Variants in TULP2 observed in about 807,000 individuals in gnomAD.
The protein encoded by TULP2 is tubby-related protein 2.
TULP2 carries 64 observed loss-of-function variants against 60.3 expected under a neutral mutation model. That is an observed-to-expected ratio of 1.06 (90% CI 0.87 to 1.31). TULP2 has a LOEUF of 1.31. Ranked by LOEUF, TULP2 falls within the 50% of genes most tolerant of loss-of-function variation. The probability of loss-of-function intolerance (pLI) is 0.00; values close to 1 mark genes in which losing one functional copy is unlikely to be tolerated. For missense variants in TULP2, 652 were observed against 667.0 expected, an observed-to-expected ratio of 0.98 and a Z score of 0.25; for synonymous variants, 267 against 265.4, an observed-to-expected ratio of 1.01 and a Z score of -0.06.
At position 48,895,169 on chromosome 19, in the gene TULP2, A is replaced by G. The variant is rs2037267310; in HGVS notation, c.350-7T>C. 1 of 1,612,228 alleles carries G rather than the reference A, an allele frequency of 6.2e-7. No homozygotes were observed. Among genetic ancestry groups the G allele is most frequent in the South Asian group, 1.1e-5 (1 of 90,916 alleles). Reference sequence around the variant, plus strand: ...AGACCGAGATTCCTGAACACTGAGGAAGGAAGGAGGGGAGAGTTGGATTTC... The same window carrying G: ...AGACCGAGATTCCTGAACACTGAGGGAGGAAGGAGGGGAGAGTTGGATTTC... On this transcript the variant is annotated splice_polypyrimidine_tract_variant and splice_region_variant and intron_variant, in intron 5 of 12. Coordinates refer to ENST00000221399, the MANE Select transcript of TULP2 (RefSeq NM_003323.3).
chr19:48,895,604 G>C, intron 4 of TULP2, 101 bp from the exon 5 acceptor site: 1 of 1,467,204 alleles, frequency 6.8e-7, no homozygotes, highest in East Asian at 2.3e-5. Flanking sequence ...CCCCCGCCAG[G>C]CGCCGTGGCT....
intron 12 of TULP2, among the ~76,000 whole-genome samples, chr19:48,881,376 ATTTTTTTT>A (rs72139613): frequency 1.1e-5 from 1 of 90,458 alleles, no homozygotes; most frequent in South Asian, 3.5e-4. Context: ...CGTCCGGCTA[ATTTTTTTT>A]TTTTTTTTTT....
At chr19:48,894,501 C>A (rs1273721601) in intron 6 of TULP2, among the ~76,000 whole-genome samples, 1 of 151,812 alleles carries the variant, frequency 6.6e-6, no homozygotes, top group African/African-American at 2.4e-5. Context: ...ATTAGCTGGG[C>A]GTGGTGATGC....
chr19:48,895,669 C>T (rs759014593), intron 4 of TULP2, among the ~76,000 whole-genome samples, 166 bp from the exon 5 acceptor site: 1 of 152,144 alleles, frequency 6.6e-6, no homozygotes, highest in Non-Finnish European at 1.5e-5. Flanking sequence ...CACCTGAGGT[C>T]GGGAGTTCGA....
chr19:48,885,534 T>A lies in TULP2; in HGVS notation c.975A>T (p.Arg325Ser), dbSNP rs148677904. Residue 325 changes from arginine to serine, a missense_variant, in exon 9 of 13, where the codon AGA becomes AGT. Physicochemically the swap from Arg to Ser is moderately radical, Grantham distance 110. Coordinates refer to ENST00000221399, the MANE Select transcript of TULP2 (RefSeq NM_003323.3). ...LQRFLLAGRK[R>S]RRSKTSNYLI... ...GGTAATTAGAAGTTTTGCTCCTTCT[T>A]CTCTTTCGCCCAGCCAGGAGGAAGC... 1.4e-5 allele frequency: 22 copies of A among 1,613,836 alleles called. No individual in the cohort carries two copies. In the African/African-American group the frequency reaches 2.4e-4, roughly 18 times the overall value.
chr19:48,895,593 A>C (rs1600027710), intron 4 of TULP2, 90 bp from the exon 5 acceptor site: 9 of 1,484,968 alleles, frequency 6.1e-6, no homozygotes, highest in Admixed American at 3.9e-5. Context: ...CCCAAATATC[A>C]CCCCCGCCAG....
intron 8 of TULP2, among the ~76,000 whole-genome samples, chr19:48,885,866 T>C (rs1165476142): frequency 1.3e-5 from 2 of 150,890 alleles, no homozygotes; most frequent in Admixed American, 1.3e-4. Flanking sequence ...GCCTGGGCAA[T>C]AGACTGAGAC....
intron 9 of TULP2, among the ~76,000 whole-genome samples, chr19:48,884,273 C>G (rs1184861160): frequency 6.6e-6 from 1 of 150,944 alleles, no homozygotes; most frequent in Non-Finnish European, 1.5e-5. Context: ...GGCAAAACTC[C>G]TTCTCTACAA....
intron 3 of TULP2, chr19:48,896,823 C>A (rs1285489317): frequency 5.1e-6 from 2 of 391,904 alleles, no homozygotes; most frequent in South Asian, 6.6e-5. Flanking sequence ...CTTAGAAATT[C>A]ATCACAAGGG....
chr19:48,896,591 G>A, intron 3 of TULP2, 35 bp from the exon 4 acceptor site: 1 of 1,555,170 alleles, frequency 6.4e-7, no homozygotes, highest in African/African-American at 1.4e-5. Flanking sequence ...TCCGGGACAG[G>A]AACCAGATGG....
chr19:48,897,080 G>T lies in TULP2; in HGVS notation c.84+265C>A, dbSNP rs1382269134. ...AATTTTTTGTGTGTTAGTAGAGACG[G>T]GGTTTCGCCGTGTTGGCCAGGCTTG... is the stretch of plus-strand genomic sequence containing the variant. On this transcript the variant is annotated intron_variant, in intron 3 of 12. Transcript: ENST00000221399. This position sits in a 1 kb window ranked among gnomAD's most constrained non-coding sequence, Gnocchi z 4.0. Among the ~76,000 whole-genome samples the T allele has an allele frequency of 6.6e-6, 1 of 152,050 alleles. No individual in the cohort carries two copies. Among genetic ancestry groups the T allele is most frequent in the East Asian group, 1.9e-4 (1 of 5,174 alleles).
In TULP2 at chr19:48,888,132, C is replaced by T. The variant is rs1246736038; in HGVS notation, c.766G>A (p.Glu256Lys). The T allele has an allele frequency of 5.6e-6, 9 of 1,614,076 alleles. No homozygotes were observed. Among genetic ancestry groups the T allele is most frequent in the African/African-American group, 1.3e-5 (1 of 74,924 alleles). ...GGGGAGCGGATTGCCAAGGAGGCTT[C>T]GTGCCTCATATGGTCGCTGTCCGTG... ...GGTDSDHMRHEASLAIRSPCP... is the reference protein window; with the variant it reads ...GGTDSDHMRHKASLAIRSPCP... The change falls in exon 8 of 13, where the codon GAA becomes AAA. Residue 256 changes from glutamate (E) to lysine (K), a missense_variant. Glu to Lys is a moderately conservative substitution (Grantham distance 56). Coordinates refer to ENST00000221399, the MANE Select transcript of TULP2 (RefSeq NM_003323.3).
Position 48,883,758 on chromosome 19 carries a change from A to T in TULP2, c.1271T>A (p.Leu424Gln), listed in dbSNP as rs1173900915. 6.2e-7 allele frequency: 1 copy of T among 1,613,968 alleles called. No homozygotes were observed. Among genetic ancestry groups the T allele is most frequent in the Admixed American group, 1.7e-5 (1 of 60,002 alleles). Residue 424 changes from leucine (L) to glutamine (Q), a missense_variant, in exon 11 of 13, where the codon CTA (leucine) becomes CAA (glutamine). By Grantham distance (113) the Leu-to-Gln change is moderately radical (BLOSUM62 -2). Transcript: ENST00000221399. Reference sequence around the variant, plus strand: ...TTCCTGATGTCAGGGACTCACATTTAGTGGCTGGACATTGATTCGCTGGTT... The same window carrying T: ...TTCCTGATGTCAGGGACTCACATTTTGTGGCTGGACATTGATTCGCTGGTT... ...SQNQRINVQPLNEQESLLSRY... is the reference protein window; with the variant it reads ...SQNQRINVQPQNEQESLLSRY...
At position 48,883,968 on chromosome 19, in the gene TULP2, A is replaced by G; in HGVS notation, c.1140T>C (p.Thr380=). 1 of 1,614,180 alleles carries G rather than the reference A, an allele frequency of 6.2e-7. No individual in the cohort carries two copies. The highest frequency in any genetic ancestry group is 8.5e-7 in the Non-Finnish European group (1 of 1,180,042). The change falls in exon 10 of 13, where the codon ACT becomes ACC. Residue 380 remains threonine, a synonymous_variant. Transcript: ENST00000221399. ...CCCCCAGCTCCTGTCTGATCCGGGC[A>G]GTATTCCTGGTTAAATGCTCCCGGT... ...NPDREHLTRN[T]ARIRQELGAV...
In TULP2 at chr19:48,883,754, A is replaced by G; in HGVS notation, c.1275T>C (p.Asn425=). The G allele has an allele frequency of 1.2e-6, 2 of 1,613,956 alleles. No individual in the cohort carries two copies. The highest frequency in any genetic ancestry group is 1.7e-6 in the Non-Finnish European group (2 of 1,179,986). The change falls in exon 11 of 13, where the codon AAT becomes AAC. Residue 425 remains asparagine (N), a splice_region_variant and synonymous_variant. Transcript: ENST00000221399. Reference sequence around the variant, plus strand: ...GAGATTCCTGATGTCAGGGACTCACATTTAGTGGCTGGACATTGATTCGCT... The same window carrying G: ...GAGATTCCTGATGTCAGGGACTCACGTTTAGTGGCTGGACATTGATTCGCT... ...QNQRINVQPL[N]EQESLLSRYQ... is the part of the protein sequence containing the mutation.
intron 7 of TULP2, 84 bp from the exon 8 acceptor site, chr19:48,888,345 G>A: frequency 7.1e-7 from 1 of 1,407,412 alleles, no homozygotes. Context: ...CAGCCCTAGG[G>A]TCCCGCCCTT....
In TULP2 at chr19:48,888,232, G is replaced by A. The variant is rs775552449; in HGVS notation, c.666C>T (p.Ala222=). 4.4e-6 allele frequency: 7 copies of A among 1,600,200 alleles called. No homozygotes were observed. Among genetic ancestry groups the A allele is most frequent in the Non-Finnish European group, 5.1e-6 (6 of 1,169,684 alleles). Residue 222 remains alanine (A), a synonymous_variant, in exon 8 of 13, where the codon GCC becomes GCT. Transcript: ENST00000221399. ...KEEDLEKKRE[A]SESTGTNSSA... is the part of the protein sequence containing the mutation. ...AGGAGTTCGTCCCTGTAGACTCAGA[G>A]GCCTCTCTCTTCTTTTCCAAGTCTT...
Position 48,888,234 on chromosome 19 carries a change from CCT to C in TULP2, c.662_663del (p.Glu221GlyfsTer3), listed in dbSNP as rs772829542. On this transcript the variant is annotated frameshift_variant, in exon 8 of 13. Coordinates refer to ENST00000221399, the MANE Select transcript of TULP2 (RefSeq NM_003323.3). LOFTEE classifies it high-confidence loss of function. ...QKEEDLEKKR[E>X]ASESTGTNSS... ...GAGTTCGTCCCTGTAGACTCAGAGG[CCT>C]CTCTCTTCTTTTCCAAGTCTTCTTC... 2.5e-6 allele frequency: 4 copies of C among 1,596,826 alleles called. No homozygotes were observed. The highest frequency in any genetic ancestry group is 2.2e-5 in the East Asian group (1 of 44,450).
At position 48,889,625 on chromosome 19, in the gene TULP2, CG is replaced by C. The variant is rs1568573276; in HGVS notation, c.520del (p.Arg174ValfsTer69). The C allele has an allele frequency of 1.3e-6, 2 of 1,579,386 alleles. No homozygotes were observed. Among genetic ancestry groups the C allele is most frequent in the East Asian group, 4.5e-5 (2 of 43,980 alleles). On this transcript the variant is annotated frameshift_variant, in exon 7 of 13. Coordinates refer to ENST00000221399, the MANE Select transcript of TULP2 (RefSeq NM_003323.3). LOFTEE classifies it high-confidence loss of function. ...GWQAHQRPGT[R>X]AEGESDSQDM... is the part of the protein sequence containing the mutation. ...CTGGGAGTCACTCTCACCCTCTGCA[CG>C]GGTCCCTAATGTGGGGAAAAGCAAG... is the stretch of plus-strand genomic sequence containing the variant.
Sources: allele counts gnomAD v4.1 joint callset (sites outside exome capture counted in the v4.1 genomes callset), GRCh38; gene constraint gnomAD v4.1.1; non-coding constraint Gnocchi (gnomAD v3.1); transcripts MANE v1.5; gene names NCBI Gene and HGNC (gene_info 2026-07-23, HGNC 2026-07-21).